TENT4B: variants seen among roughly 807,000 people sequenced by gnomAD.
TENT4B encodes the protein terminal nucleotidyltransferase 4B, also known as PAP associated domain containing 5.
A neutral mutation model predicts 75.0 loss-of-function variants in TENT4B; 10 were observed. The observed-to-expected ratio is 0.13, with a 90% CI of 0.08 to 0.23. The LOEUF (loss-of-function observed/expected upper bound fraction) is 0.23, where lower values mean the gene tolerates loss of function less well. Ranked by LOEUF, TENT4B falls within the 10% of genes least tolerant of loss-of-function variation. The pLI is 1.00. For missense variants in TENT4B, 579 were observed against 893.8 expected (o/e 0.65, Z 4.49); for synonymous variants, 350 against 357.7 (o/e 0.98, Z 0.24).
intron 2 of TENT4B, among the ~76,000 whole-genome samples, chr16:50,212,751 A>T (rs12922331): frequency 0.97 from 148,267 of 152,244 alleles, 72,199 homozygotes; most frequent in East Asian, 1. Context: ...TCCGAGACAT[A>T]TTTGATTGTC....
chr16:50,231,369 AAAT>A lies in TENT4B; in HGVS notation c.*2046_*2048del. 1 of 980,772 alleles carries A rather than the reference AAAT, an allele frequency of 1.0e-6. No homozygotes were observed. The highest frequency in any genetic ancestry group is 1.2e-6 in the Non-Finnish European group (1 of 825,278). The allele number at this position is 980,772 out of a possible 1,614,324, so 60.8% of individuals were successfully genotyped here. The stretch of plus-strand genomic sequence containing the variant: ...ACTGCTAAGGGAACAATTATTTATA[AAAT>A]AATATTAAATCCAGTATTAGCTGCC... On this transcript the variant is annotated 3_prime_UTR_variant, in exon 12 of 12. Transcript: ENST00000561678.
At chr16:50,221,423 T>C (rs922494566) in intron 5 of TENT4B, among the ~76,000 whole-genome samples, 1 of 152,324 alleles carries the variant, frequency 6.6e-6, no homozygotes. Flanking sequence ...CTGTACATAC[T>C]TGCCCACTCA....
chr16:50,229,123 G>A (rs2032183849), intron 11 of TENT4B, 29 bp from the exon 12 acceptor site: 1 of 1,608,684 alleles, frequency 6.2e-7, no homozygotes, highest in Non-Finnish European at 8.5e-7. Context: ...CAATACTGAT[G>A]TCTTTGTGGT....
chr16:50,226,402 C>G (rs1252999752), intron 10 of TENT4B, among the ~76,000 whole-genome samples: 1 of 151,962 alleles, frequency 6.6e-6, no homozygotes, highest in African/African-American at 2.4e-5. Flanking sequence ...AATTTTTTTT[C>G]AGCTTTCTGG....
intron 1 of TENT4B, among the ~76,000 whole-genome samples, chr16:50,178,194 T>C (rs1731339204): frequency 6.6e-6 from 1 of 150,658 alleles, no homozygotes; most frequent in African/African-American, 2.4e-5. Flanking sequence ...CAGTGGCTTA[T>C]GCCTGTACTC....
Position 50,230,449 on chromosome 16 carries a change from T to C in TENT4B, c.*1121T>C, listed in dbSNP as rs1028872532. 11 of 985,548 alleles carry C rather than the reference T, an allele frequency of 1.1e-5. No individual in the cohort carries two copies. The highest frequency in any genetic ancestry group is 4.7e-5 in the South Asian group (1 of 21,292). 61.1% of individuals were successfully genotyped at this position (985,548 alleles called of 1,614,324 possible). On this transcript the variant is annotated 3_prime_UTR_variant, in exon 12 of 12. Transcript: ENST00000561678. ...CTCTTATTCTTTTTAAAATTCATGC[T>C]TAACTACTGTGGGAGAATAACTGTA...
rs2037820533 is a variant in TENT4B at position 50,153,575 on chromosome 16, C to T, written c.-47C>T. On this transcript the variant is annotated 5_prime_UTR_variant, in exon 1 of 12. Coordinates refer to ENST00000561678, the MANE Select transcript of TENT4B (RefSeq NM_001365324.3). ...GCGCCTGAGGCGGCGGCGGCGGCGG[C>T]CCTGCGGGCGGCCGGGAGGGGCGGG... 1.7e-5 allele frequency: 17 copies of T among 978,182 alleles called. No individual in the cohort carries two copies. The highest frequency in any genetic ancestry group is 1.9e-5 in the Non-Finnish European group (16 of 827,134). The allele number at this position is 978,182 out of a possible 1,614,324, so 60.6% of individuals were successfully genotyped here. A position where few individuals can be genotyped will look rare whatever the true frequency, so the allele number is the denominator to read the frequency against.
intron 1 of TENT4B, among the ~76,000 whole-genome samples, chr16:50,161,197 A>AT (rs2037997210): frequency 6.6e-6 from 1 of 152,224 alleles, no homozygotes; most frequent in African/African-American, 2.4e-5. Context: ...GATTATATAT[A>AT]TTCAAGTTGA....
rs2032405793 is a variant in TENT4B at position 50,235,040 on chromosome 16, C to T, written c.*5712C>T. On this transcript the variant is annotated 3_prime_UTR_variant, in exon 12 of 12. Coordinates refer to ENST00000561678, the MANE Select transcript of TENT4B (RefSeq NM_001365324.3). ...ACTGCAGAGACACTAAGGAATTTACCAGAAAAAGATATTTGATACAAGTGA... is the reference window on the plus strand; with the variant it reads ...ACTGCAGAGACACTAAGGAATTTACTAGAAAAAGATATTTGATACAAGTGA... The T allele has an allele frequency of 1.0e-6, 1 of 985,392 alleles. No individual in the cohort carries two copies. The highest frequency in any genetic ancestry group is 1.7e-5 in the African/African-American group (1 of 57,160). The allele number at this position is 985,392 out of a possible 1,614,324, so 61.0% of individuals were successfully genotyped here. A position where few individuals can be genotyped will look rare whatever the true frequency, so the allele number is the denominator to read the frequency against.
intron 1 of TENT4B, among the ~76,000 whole-genome samples, chr16:50,176,772 G>T (rs993968940): frequency 2.6e-5 from 4 of 152,056 alleles, no homozygotes; most frequent in Non-Finnish European, 5.9e-5. Flanking sequence ...CTCCCAAAGT[G>T]TTGGGATTAC....
In TENT4B at chr16:50,231,017, G is replaced by GTC; in HGVS notation, c.*1690_*1691insCT. On this transcript the variant is annotated 3_prime_UTR_variant, in exon 12 of 12. Transcript: ENST00000561678. ...ATCAGACCATTAATGGACACTTAGT[G>GTC]TAACTTTTTATAAAGAAAATAATGC... The GTC allele has an allele frequency of 1.0e-6, 1 of 983,330 alleles. No homozygotes were observed. The allele number at this position is 983,330 out of a possible 1,614,324, so 60.9% of individuals were successfully genotyped here. A position where few individuals can be genotyped will look rare whatever the true frequency, so the allele number is the denominator to read the frequency against.
intron 1 of TENT4B, among the ~76,000 whole-genome samples, chr16:50,156,821 A>G (rs911915036): frequency 6.6e-6 from 1 of 151,786 alleles, no homozygotes; most frequent in African/African-American, 2.4e-5. Context: ...ACACCTGCCT[A>G]ATTTTTTTAT....
intron 1 of TENT4B, among the ~76,000 whole-genome samples, chr16:50,167,137 C>T (rs772673677): frequency 6.6e-6 from 1 of 152,184 alleles, no homozygotes; most frequent in Non-Finnish European, 1.5e-5. Flanking sequence ...CTTTTGACTT[C>T]CCTGGGCCAC....
chr16:50,219,689 T>G (rs1308424734), intron 5 of TENT4B, among the ~76,000 whole-genome samples: 1 of 146,926 alleles, frequency 6.8e-6, no homozygotes, highest in Admixed American at 6.8e-5. Flanking sequence ...CCCCTTTTCT[T>G]CTCCCTCCCC....
intron 1 of TENT4B, among the ~76,000 whole-genome samples, chr16:50,188,506 C>T (rs1373463196): frequency 1.3e-5 from 2 of 152,090 alleles, no homozygotes; most frequent in Non-Finnish European, 1.5e-5. Flanking sequence ...GGAAGCATCT[C>T]GATGATCCAG....
At chr16:50,177,007 ATT>A (rs938478595) in intron 1 of TENT4B, among the ~76,000 whole-genome samples, 1 of 136,406 alleles carries the variant, frequency 7.3e-6, no homozygotes. Flanking sequence ...GGTAATATCT[ATT>A]TTTTTTTTTT....
At chr16:50,206,337 T>G (rs1308296649) in intron 1 of TENT4B, among the ~76,000 whole-genome samples, 1 of 150,074 alleles carries the variant, frequency 6.7e-6, no homozygotes, top group Admixed American at 6.7e-5. Flanking sequence ...CCTTAAGAGA[T>G]AAATATATAT....
Position 50,235,128 on chromosome 16 carries a change from A to G in TENT4B, c.*5800A>G, listed in dbSNP as rs2032408730. The G allele has an allele frequency of 2.1e-5, 15 of 727,036 alleles. No homozygotes were observed. The highest frequency in any genetic ancestry group is 2.4e-5 in the Non-Finnish European group (14 of 593,690). 45.0% of individuals were successfully genotyped at this position (727,036 alleles called of 1,614,324 possible). ...GGGCAACCAGTGATGAAAACTATGA[A>G]TGAATTGCACACCTGGAAGATTTTT... On this transcript the variant is annotated 3_prime_UTR_variant, in exon 12 of 12. Coordinates refer to ENST00000561678, the MANE Select transcript of TENT4B (RefSeq NM_001365324.3).
chr16:50,224,259 C>G (rs2031950083), intron 7 of TENT4B, among the ~76,000 whole-genome samples: 1 of 152,128 alleles, frequency 6.6e-6, no homozygotes, highest in Non-Finnish European at 1.5e-5. Context: ...GCAAGACGAT[C>G]CTTGCTTTTT....
Sources: gnomAD v4.1 joint callset for allele counts (sites outside exome capture counted in the v4.1 genomes callset) on GRCh38, gnomAD v4.1.1 for gene constraint, MANE v1.5 for transcripts, NCBI Gene and HGNC (gene_info 2026-07-23, HGNC 2026-07-21) for gene names.